Variants in TMOD1 observed in about 807,000 individuals in gnomAD.
The protein encoded by TMOD1 is tropomodulin 1, also known as tropomodulin-1.
TMOD1 carries 17 observed loss-of-function variants against 40.6 expected under a neutral mutation model. The ratio of observed to expected loss-of-function variants is 0.42; its 90% CI spans 0.29 to 0.63. The LOEUF is 0.63. Among genes scored for constraint, TMOD1 ranks in the 20% least tolerant of loss-of-function variants. TMOD1 has a pLI of 0.22. For synonymous variants in TMOD1, 181 were observed against 175.0 expected (o/e 1.03, Z -0.27); for missense variants, 391 against 447.6 (o/e 0.87, Z 1.14).
intron 1 of TMOD1, among the ~76,000 whole-genome samples, chr9:97,518,071 C>T (rs537505961): frequency 4.6e-5 from 7 of 152,226 alleles, no homozygotes; most frequent in African/African-American, 1.7e-4. Flanking sequence ...CTTCTCTTCA[C>T]CACAGCTGCC....
At chr9:97,548,773 C>A (rs1170466960) in intron 3 of TMOD1, among the ~76,000 whole-genome samples, 1 of 152,208 alleles carries the variant, frequency 6.6e-6, no homozygotes, top group African/African-American at 2.4e-5. Flanking sequence ...CATACAGCAA[C>A]AAGCCCAAAA....
chr9:97,529,442 A>G (rs1830066905), intron 2 of TMOD1, among the ~76,000 whole-genome samples: 1 of 151,980 alleles, frequency 6.6e-6, no homozygotes, highest in African/African-American at 2.4e-5. Flanking sequence ...TGGTTATGCA[A>G]TTGTTAAGCC....
intron 8 of TMOD1, among the ~76,000 whole-genome samples, chr9:97,579,747 AG>A (rs1195755568): frequency 1.3e-5 from 2 of 152,230 alleles, no homozygotes; most frequent in Non-Finnish European, 2.9e-5. Flanking sequence ...AGACAGCTAT[AG>A]AGGCAGGTGA....
At chr9:97,511,805 A>G (rs1294630990) in intron 1 of TMOD1, among the ~76,000 whole-genome samples, 1 of 151,978 alleles carries the variant, frequency 6.6e-6, no homozygotes, top group African/African-American at 2.4e-5. Context: ...GGCTGGTTTC[A>G]AACTCCTGGC....
rs1829964544 is a variant in TMOD1 at position 97,524,311 on chromosome 9, G to C, written c.120+3G>C. Reference sequence around the variant, plus strand: ...AGCTGGATGAGCTGGACCCTGATGTGAGTAGGTGCTAAAGGGAAGCACATT... The same window carrying C: ...AGCTGGATGAGCTGGACCCTGATGTCAGTAGGTGCTAAAGGGAAGCACATT... On this transcript the variant is annotated splice_donor_region_variant and intron_variant, in intron 2 of 9. Transcript: ENST00000259365. 5 of 1,613,724 alleles carry C rather than the reference G, an allele frequency of 3.1e-6. No homozygotes were observed. The highest frequency in any genetic ancestry group is 1.6e-4 in the Middle Eastern group (1 of 6,074).
intron 3 of TMOD1, among the ~76,000 whole-genome samples, chr9:97,548,328 A>T (rs375283555): frequency 6.6e-6 from 1 of 152,140 alleles, no homozygotes; most frequent in Non-Finnish European, 1.5e-5. Flanking sequence ...AACCATTCCA[A>T]ATCCTGGACT....
rs1339339559 is a variant in TMOD1, at chr9:97,530,489, GT to G, written c.120+6197del. ...AATAACGATGATTTTCTACTGAGGA[GT>G]TTTTTTTTTTTTTTTGAGACAGAGT... On this transcript the variant is annotated intron_variant, in intron 2 of 9. Transcript: ENST00000259365. 3.5e-3 allele frequency among the ~76,000 whole-genome samples: 485 copies of G among 139,954 alleles called. 1 individual carries two copies. The highest frequency in any genetic ancestry group is 7.5e-3 in the Middle Eastern group (2 of 268). The allele number at this position is 139,954 out of a possible 152,430, so 91.8% of individuals were successfully genotyped here. A position where few individuals can be genotyped will look rare whatever the true frequency, so the allele number is the denominator to read the frequency against.
rs547456353 is a variant in TMOD1 at position 97,546,125 on chromosome 9, ACTCTCTCTTTCTCT to A, written c.121-40_121-27del. On this transcript the variant is annotated intron_variant, in intron 2 of 9. Coordinates refer to ENST00000259365, the MANE Select transcript of TMOD1 (RefSeq NM_003275.4). ...AAGTGCAAGTCTTCAGCAGCTGACC[ACTCTCTCTTTCTCT>A]CTCTCTCTTTCTCTCTCTCCTGCCC... The A allele has an allele frequency of 3.9e-4, 596 of 1,533,278 alleles. 2 individuals carry two copies. Among genetic ancestry groups the A allele is most frequent in the Non-Finnish European group, 4.7e-4 (541 of 1,145,264 alleles). The allele number at this position is 1,533,278 out of a possible 1,614,324, so 95.0% of individuals were successfully genotyped here. A position where few individuals can be genotyped will look rare whatever the true frequency, so the allele number is the denominator to read the frequency against.
At position 97,594,973 on chromosome 9, in the gene TMOD1, C is replaced by T. The variant is rs185528857; in HGVS notation, c.1015+3538C>T. On this transcript the variant is annotated intron_variant, in intron 9 of 9. Coordinates refer to ENST00000259365, the MANE Select transcript of TMOD1 (RefSeq NM_003275.4). ...GGGGTATCGTGTGGAGGGAGAGTAA[C>T]ATGTTTAAAAGCAGAAAACATCCCT... Among the ~76,000 whole-genome samples the T allele has an allele frequency of 6.6e-5, 10 of 152,228 alleles. No individual in the cohort carries two copies. The South Asian group carries it at 1.5e-3, about 22-fold the overall frequency.
chr9:97,531,710 C>T (rs1459423382), intron 2 of TMOD1, among the ~76,000 whole-genome samples: 1 of 152,150 alleles, frequency 6.6e-6, no homozygotes, highest in African/African-American at 2.4e-5. Flanking sequence ...TAGAAATCAT[C>T]TAACAGTACC....
At chr9:97,567,787 G>A (rs1830754456) in intron 7 of TMOD1, among the ~76,000 whole-genome samples, 1 of 152,088 alleles carries the variant, frequency 6.6e-6, no homozygotes. Flanking sequence ...CTGAGGAGGG[G>A]GCGATGATTT....
At chr9:97,572,022 C>T (rs1046346537) in intron 8 of TMOD1, among the ~76,000 whole-genome samples, 2 of 152,162 alleles carry the variant, frequency 1.3e-5, no homozygotes, top group African/African-American at 2.4e-5. Context: ...GACCATCATA[C>T]CAGGTGCTCC....
chr9:97,598,050 G>A (rs1826152154), intron 9 of TMOD1, among the ~76,000 whole-genome samples: 1 of 152,110 alleles, frequency 6.6e-6, no homozygotes, highest in South Asian at 2.1e-4. Flanking sequence ...GGTTCTAGCT[G>A]GGTGCGGTGG....
At chr9:97,535,603 C>T (rs1830168182) in intron 2 of TMOD1, among the ~76,000 whole-genome samples, 1 of 152,160 alleles carries the variant, frequency 6.6e-6, no homozygotes, top group African/African-American at 2.4e-5. Context: ...TCTCAGGATA[C>T]CCAGTCCCCA....
chr9:97,527,353 T>C (rs577764309), intron 2 of TMOD1, among the ~76,000 whole-genome samples: 10 of 152,364 alleles, frequency 6.6e-5, no homozygotes, highest in Middle Eastern at 3.4e-3. Context: ...TGGCTGGGAC[T>C]CTGCCTTTCA....
At chr9:97,540,494 C>T (rs1451870907) in intron 2 of TMOD1, among the ~76,000 whole-genome samples, 2 of 152,188 alleles carry the variant, frequency 1.3e-5, no homozygotes, top group African/African-American at 4.8e-5. Context: ...ATTATAGTCA[C>T]TCTGGGGGTG....
chr9:97,564,032 C>T lies in TMOD1; in HGVS notation c.488-6C>T. 1 of 1,613,784 alleles carries T rather than the reference C, an allele frequency of 6.2e-7. No individual in the cohort carries two copies. The highest frequency in any genetic ancestry group is 8.5e-7 in the Non-Finnish European group (1 of 1,179,900). The stretch of plus-strand genomic sequence containing the variant: ...TGAGCCACCTCCCTTTCATCGGTCA[C>T]TCTAGGCGTGATTAAACCCACACAA... On this transcript the variant is annotated splice_polypyrimidine_tract_variant and splice_region_variant and intron_variant, in intron 5 of 9. Transcript: ENST00000259365.
At chr9:97,531,033 A>AC (rs202030181) in intron 2 of TMOD1, among the ~76,000 whole-genome samples, 15,689 of 77,072 alleles carry the variant, frequency 0.2, 3,255 homozygotes, top group African/African-American at 0.34. Flanking sequence ...GGTGATCCAC[A>AC]CCCACCCCCC....
intron 9 of TMOD1, among the ~76,000 whole-genome samples, chr9:97,593,356 AAGAACTTTCAG>A (rs1826038780): frequency 6.6e-6 from 1 of 152,186 alleles, no homozygotes; most frequent in African/African-American, 2.4e-5. Flanking sequence ...TCCCATCACC[AAGAACTTTCAG>A]AGGCCATTGT....
Sources: gnomAD v4.1 joint callset for allele counts (sites outside exome capture counted in the v4.1 genomes callset) on GRCh38, gnomAD v4.1.1 for gene constraint, MANE v1.5 for transcripts, NCBI Gene and HGNC (gene_info 2026-07-23, HGNC 2026-07-21) for gene names.